The following PLCL1 variants were observed in gnomAD, a reference collection of about 807,000 sequenced individuals.
PLCL1 encodes the protein inactive phospholipase C-like protein 1.
A neutral mutation model predicts 84.4 loss-of-function variants in PLCL1; 41 were observed. The ratio of observed to expected loss-of-function variants is 0.49; its 90% confidence interval spans 0.38 to 0.63. PLCL1 has a LOEUF of 0.63. Among genes scored for constraint, PLCL1 ranks in the 30% least tolerant of loss-of-function variants. The probability of loss-of-function intolerance (pLI) is 0.00; values close to 1 mark genes in which losing one functional copy is unlikely to be tolerated. For missense variants in PLCL1, 1,206 were observed against 1,367.8 expected (o/e 0.88, Z 1.87); for synonymous variants, 490 against 488.3 (o/e 1.00, Z -0.05).
At chr2:197,889,922 T>C (rs2105724258) in intron 1 of PLCL1, among the ~76,000 whole-genome samples, 1 of 152,192 alleles carries the variant, frequency 6.6e-6, no homozygotes, top group East Asian at 1.9e-4. Flanking sequence ...GAAAAAAGAC[T>C]AGAGATATCC....
At chr2:198,118,010 T>C (rs577319042) in intron 5 of PLCL1, among the ~76,000 whole-genome samples, 2 of 152,024 alleles carry the variant, frequency 1.3e-5, no homozygotes, top group Admixed American at 6.6e-5. Flanking sequence ...GTTTCTTATA[T>C]TAAACAACTC....
At chr2:197,839,413 A>C (rs561885656) in intron 1 of PLCL1, among the ~76,000 whole-genome samples, 2 of 152,134 alleles carry the variant, frequency 1.3e-5, no homozygotes, top group African/African-American at 2.4e-5. Context: ...GGCGTTAGTT[A>C]TTTTCTCATA....
chr2:198,109,502 C>G (rs984038571), intron 5 of PLCL1, among the ~76,000 whole-genome samples: 1 of 151,822 alleles, frequency 6.6e-6, no homozygotes, highest in African/African-American at 2.4e-5. Flanking sequence ...TTAAGGCTTT[C>G]AGAAAGGGAT....
At chr2:197,917,793 G>C (rs530612679) in intron 1 of PLCL1, among the ~76,000 whole-genome samples, 1 of 152,224 alleles carries the variant, frequency 6.6e-6, no homozygotes, top group South Asian at 2.1e-4. Context: ...ATGAAGTAAG[G>C]AAGAGCTTAA....
chr2:197,920,102 T>C (rs984030031), intron 1 of PLCL1, among the ~76,000 whole-genome samples: 10 of 152,150 alleles, frequency 6.6e-5, no homozygotes, highest in Non-Finnish European at 1.5e-5. Flanking sequence ...TTATTGTTTA[T>C]CCATTGGTCT....
At chr2:197,854,810 T>C (rs1239733250) in intron 1 of PLCL1, among the ~76,000 whole-genome samples, 1 of 152,184 alleles carries the variant, frequency 6.6e-6, no homozygotes, top group Admixed American at 6.5e-5. Context: ...ATGGAGGGTC[T>C]CAGTTGGATG....
intron 1 of PLCL1, among the ~76,000 whole-genome samples, chr2:197,904,463 G>T (rs1688336768): frequency 6.6e-6 from 1 of 152,174 alleles, no homozygotes; most frequent in African/African-American, 2.4e-5. Context: ...AGTAAAATTT[G>T]GCTTAATGGA....
At chr2:198,140,948 C>A (rs946903160) in intron 5 of PLCL1, among the ~76,000 whole-genome samples, 2 of 152,126 alleles carry the variant, frequency 1.3e-5, no homozygotes, top group Non-Finnish European at 2.9e-5. Context: ...TATACAGTTA[C>A]AAAATCTAAT....
intron 1 of PLCL1, among the ~76,000 whole-genome samples, chr2:197,971,901 T>G (rs1689875841): frequency 6.6e-6 from 1 of 152,260 alleles, no homozygotes; most frequent in South Asian, 2.1e-4. Flanking sequence ...TGCATTCTGT[T>G]GAATGCTAAT....
intron 1 of PLCL1, among the ~76,000 whole-genome samples, chr2:197,946,674 C>T (rs1416359536): frequency 1.3e-5 from 2 of 152,174 alleles, no homozygotes; most frequent in Non-Finnish European, 2.9e-5. Flanking sequence ...TCTCTACTTT[C>T]AAGATACTCT....
intron 1 of PLCL1, among the ~76,000 whole-genome samples, chr2:197,961,461 T>C (rs79400312): frequency 0.031 from 4,714 of 152,124 alleles, 104 homozygotes; most frequent in Non-Finnish European, 0.045. Flanking sequence ...TTTTTATTTT[T>C]AAATCTACTT....
chr2:198,043,757 G>A (rs935945154), intron 1 of PLCL1, among the ~76,000 whole-genome samples: 11 of 152,252 alleles, frequency 7.2e-5, no homozygotes, highest in African/African-American at 2.6e-4. Flanking sequence ...TGGCAGAGAA[G>A]GGGATGGTGG....
At chr2:198,135,329 C>T (rs140131990) in intron 5 of PLCL1, among the ~76,000 whole-genome samples, 1,530 of 152,242 alleles carry the variant, frequency 0.01, 11 homozygotes, top group Non-Finnish European at 0.015. Flanking sequence ...ATTTGAAATG[C>T]AATTAATTAC....
At chr2:198,069,191 C>A in intron 1 of PLCL1, among the ~76,000 whole-genome samples, 1 of 148,456 alleles carries the variant, frequency 6.7e-6, no homozygotes, top group African/African-American at 2.5e-5. Context: ...TGAACCAACA[C>A]ACAAGGATAT....
At chr2:197,857,094 T>C (rs1687343201) in intron 1 of PLCL1, among the ~76,000 whole-genome samples, 1 of 152,028 alleles carries the variant, frequency 6.6e-6, no homozygotes, top group Non-Finnish European at 1.5e-5. Flanking sequence ...TGTTTACCTA[T>C]GTAACAAACC....
chr2:197,810,147 C>A, intron 1 of PLCL1: 2 of 300,424 alleles, frequency 6.7e-6, no homozygotes, highest in Non-Finnish European at 1.2e-5. Flanking sequence ...ATGGCATGAA[C>A]CTCTTAGGTA....
At chr2:198,124,076 C>T (rs1693932496) in intron 5 of PLCL1, among the ~76,000 whole-genome samples, 1 of 152,128 alleles carries the variant, frequency 6.6e-6, no homozygotes, top group East Asian at 1.9e-4. Flanking sequence ...CAAAACTCAT[C>T]AGGACACAAA....
intron 5 of PLCL1, among the ~76,000 whole-genome samples, chr2:198,145,166 G>A (rs1380523824): frequency 6.6e-6 from 1 of 152,092 alleles, no homozygotes; most frequent in African/African-American, 2.4e-5. Flanking sequence ...CAAAGTGGAT[G>A]TGACTTCACT....
chr2:198,127,009 T>G (rs1045541707), intron 5 of PLCL1, among the ~76,000 whole-genome samples: 226 of 49,622 alleles, frequency 4.6e-3, no homozygotes, highest in Middle Eastern at 0.034. Flanking sequence ...TGTGTGTGTG[T>G]GTGGGGGGTG....
Sources: gnomAD v4.1 joint callset for allele counts (sites outside exome capture counted in the v4.1 genomes callset) on GRCh38, gnomAD v4.1.1 for gene constraint, MANE v1.5 for transcripts, NCBI Gene and HGNC (gene_info 2026-07-23, HGNC 2026-07-21) for gene names.